MUC4: variants seen among roughly 807,000 people sequenced by gnomAD.
The protein encoded by MUC4 is mucin 4, cell surface associated, also known as mucin-4.
A neutral mutation model predicts 257.9 loss-of-function variants in MUC4; 202 were observed. The ratio of observed to expected loss-of-function variants is 0.78; its 90% CI spans 0.70 to 0.88. The LOEUF (loss-of-function observed/expected upper bound fraction) is 0.88, where lower values mean the gene tolerates loss of function less well. Among genes scored for constraint, MUC4 ranks in the 40% least tolerant of loss-of-function variants. MUC4 has a pLI of 0.00. For missense variants in MUC4, 5,976 were observed against 6,513.7 expected (o/e 0.92, Z 2.84); for synonymous variants, 2,351 against 2,757.1 (o/e 0.85, Z 4.62).
In MUC4 at chr3:195,787,263, G is replaced by C. The variant is rs1732601598; in HGVS notation, c.4317C>G (p.Thr1439=). ...DASSVSTDHA[T]SLPVTIPSAA... is the part of the protein sequence containing the mutation. ...CGGAAGGGATGGTTACAGGAAGAGA[G>C]GTGGCGTGATCTGTGGACACTGAGG... is the stretch of plus-strand genomic sequence containing the variant. Residue 1439 remains threonine, a synonymous_variant, in exon 2 of 25, where the codon ACC becomes ACG. Transcript: ENST00000463781. 3.4e-6 allele frequency: 1 copy of C among 294,730 alleles called. No individual in the cohort carries two copies. The highest frequency in any genetic ancestry group is 3.2e-5 in the South Asian group (1 of 31,590). The allele number at this position is 294,730 out of a possible 1,614,324, so 18.3% of individuals were successfully genotyped here. A position where few individuals can be genotyped will look rare whatever the true frequency, so the allele number is the denominator to read the frequency against.
chr3:195,798,913 CA>C (rs1439881013), intron 1 of MUC4, among the ~76,000 whole-genome samples: 1 of 151,978 alleles, frequency 6.6e-6, no homozygotes, highest in Non-Finnish European at 1.5e-5. Context: ...AGAGCTGGCT[CA>C]GGGGGACTGG....
Position 195,786,150 on chromosome 3 carries a change from A to G in MUC4, c.5430T>C (p.Pro1810=). The G allele has an allele frequency of 2.0e-6, 3 of 1,530,168 alleles. No individual in the cohort carries two copies. The highest frequency in any genetic ancestry group is 1.2e-5 in the South Asian group (1 of 83,218). 94.8% of individuals were successfully genotyped at this position (1,530,168 alleles called of 1,614,324 possible). The part of the protein sequence containing the change: ...SASTGQAIPL[P]VTSPSSASTG... ...TGGATGCTGAGGAAGGGCTGGTGAC[A>G]GGAAGAGGGATGGCCTGACCTGTGG... The change falls in exon 2 of 25, where the codon CCT becomes CCC. Residue 1810 remains proline, a synonymous_variant. Coordinates refer to ENST00000463781, the MANE Select transcript of MUC4 (RefSeq NM_018406.7).
chr3:195,790,622 C>T lies in MUC4; in HGVS notation c.958G>A (p.Ala320Thr). ...FSRTSTQDTT[A>T]FSKNHQTQSV... ...TGAGTCTGGTGGTTCTTAGAAAAAG[C>T]TGTTGTGTCCTGAGTAGAAGTCCTT... The change falls in exon 2 of 25, where the codon GCT becomes ACT. Residue 320 changes from alanine (A) to threonine (T), a missense_variant. Coordinates refer to ENST00000463781, the MANE Select transcript of MUC4 (RefSeq NM_018406.7). The T allele has an allele frequency of 1.2e-6, 2 of 1,614,024 alleles. No individual in the cohort carries two copies. The highest frequency in any genetic ancestry group is 1.7e-6 in the Non-Finnish European group (2 of 1,179,896).
At position 195,791,342 on chromosome 3, in the gene MUC4, T is replaced by G. The variant is rs774873172; in HGVS notation, c.238A>C (p.Lys80Gln). 1.2e-6 allele frequency: 2 copies of G among 1,613,848 alleles called. No homozygotes were observed. The highest frequency in any genetic ancestry group is 1.6e-4 in the Middle Eastern group (1 of 6,062). Residue 80 changes from lysine to glutamine, a missense_variant, in exon 2 of 25, where the codon AAG becomes CAG. Lys to Gln is a moderately conservative substitution (Grantham distance 53). Around this residue, in one of 44 missense-constraint regions of MUC4, gnomAD observed 1,583 missense variants for 1,257.4 expected, o/e 1.26. Transcript: ENST00000463781. ...GCTTTGCTGGTGGTCTCCGTGCTCT[T>G]AGTCTGGTGGTTCTGAGATGAAGCT... ...ISASSQNHQT[K>Q]STETTSKAQT... is the part of the protein sequence containing the mutation.
chr3:195,804,585 T>C (rs1474700980), intron 1 of MUC4, among the ~76,000 whole-genome samples: 1 of 152,254 alleles, frequency 6.6e-6, no homozygotes, highest in East Asian at 1.9e-4. Flanking sequence ...CCGTAAGCCG[T>C]ATCGCCACAG....
chr3:195,762,029 G>C (rs2148802354), intron 14 of MUC4, 58 bp downstream of exon 14: 1 of 1,521,114 alleles, frequency 6.6e-7, no homozygotes, highest in Middle Eastern at 2.3e-4. Flanking sequence ...GCCGGCGTGG[G>C]GGTCCGAGCT....
intron 1 of MUC4, among the ~76,000 whole-genome samples, chr3:195,792,986 C>T (rs2688488): frequency 0.36 from 54,648 of 151,894 alleles, 11,980 homozygotes; most frequent in East Asian, 0.73. Context: ...CTGTCAGGGA[C>T]GGGACAAGGG....
chr3:195,764,914 G>A, intron 10 of MUC4, 83 bp downstream of exon 10: 7 of 1,558,432 alleles, frequency 4.5e-6, no homozygotes, highest in South Asian at 3.6e-5. Flanking sequence ...GAAGGGTCTG[G>A]GAAGGAATGA....
intron 7 of MUC4, among the ~76,000 whole-genome samples, 190 bp downstream of exon 7, chr3:195,768,832 C>T (rs1272345522): frequency 6.6e-6 from 1 of 152,174 alleles, no homozygotes; most frequent in Non-Finnish European, 1.5e-5. Flanking sequence ...GCATGGCGGA[C>T]AAATGGGTGA....
At chr3:195,774,527 T>G (rs987788750) in intron 3 of MUC4, among the ~76,000 whole-genome samples, 5 of 152,114 alleles carry the variant, frequency 3.3e-5, no homozygotes, top group African/African-American at 1.2e-4. Context: ...CTTCCCCAGC[T>G]TGGAGAAAAA....
At chr3:195,794,085 T>TAAAAAAAAA (rs1341032254) in intron 1 of MUC4, among the ~76,000 whole-genome samples, 3 of 140,172 alleles carry the variant, frequency 2.1e-5, no homozygotes, top group African/African-American at 7.9e-5. Context: ...TCTTAAAAAA[T>TAAAAAAAAA]AAAAATAATA....
chr3:195,772,409 TTCATCGCTCAGGGGTGTAGACACCCTCC>T (rs1723131280), intron 4 of MUC4, among the ~76,000 whole-genome samples: 13 of 134,038 alleles, frequency 9.7e-5, no homozygotes, highest in African/African-American at 3.9e-4. Flanking sequence ...ACACCCTCCC[TTCATCGCTCAGGGGTGTAGACACCCTCC>T]CTCCATCGCT....
intron 19 of MUC4, 66 bp downstream of exon 19, chr3:195,754,147 T>C: frequency 6.6e-7 from 1 of 1,513,918 alleles, no homozygotes; most frequent in African/African-American, 1.4e-5. Context: ...TGCCTTTGGC[T>C]GTCTACACCC....
intron 2 of MUC4, 25 bp downstream of exon 2, chr3:195,778,765 T>C (rs771865404): frequency 1.1e-5 from 17 of 1,589,280 alleles, no homozygotes; most frequent in South Asian, 3.4e-5. Context: ...CTGGGAGACA[T>C]AAAGGCGAGG....
chr3:195,794,109 A>AATAATAATAATAATAAT (rs1553888499), intron 1 of MUC4, among the ~76,000 whole-genome samples: 12 of 122,850 alleles, frequency 9.8e-5, no homozygotes, highest in Admixed American at 3.3e-4. Context: ...ATAATAATAA[A>AATAATAATAATAATAAT]AATAGATATT....
At chr3:195,803,847 G>A (rs1344290239) in intron 1 of MUC4, among the ~76,000 whole-genome samples, 1 of 152,176 alleles carries the variant, frequency 6.6e-6, no homozygotes, top group Non-Finnish European at 1.5e-5. Flanking sequence ...TGGAGAAATG[G>A]TCACTGACCT....
At chr3:195,766,529 T>G in intron 8 of MUC4, 134 bp downstream of exon 8, 1 of 758,278 alleles carries the variant, frequency 1.3e-6, no homozygotes, top group Non-Finnish European at 2.2e-6. Context: ...TGTAGGAGGT[T>G]GAACTGTGTG....
rs1263709414 is a variant in MUC4 at position 195,782,185 on chromosome 3, C to G, written c.9395G>C (p.Gly3132Ala). The G allele has an allele frequency of 2.9e-6, 4 of 1,383,704 alleles. 1 individual carries two copies. The Admixed American group carries it at 6.8e-5, about 23-fold the overall frequency. The allele number at this position is 1,383,704 out of a possible 1,614,324, so 85.7% of individuals were successfully genotyped here. The change falls in exon 2 of 25, where the codon GGT (glycine) becomes GCT (alanine). Residue 3132 changes from glycine (G) to alanine (A), a missense_variant. This residue lies in a region of MUC4 where 128 missense variants were observed against 104.8 expected (regional missense o/e 1.22). Coordinates refer to ENST00000463781, the MANE Select transcript of MUC4 (RefSeq NM_018406.7). ...GGTGACAGGAAGAGCGGTGGCCTGA[C>G]CTGTGGATGCTGAGGAAGTGTCGGT... ...PVTDTSSAST[G>A]QATALPVTST...
In MUC4 at chr3:195,761,092, A is replaced by C; in HGVS notation, c.14640T>G (p.Leu4880=). 6.2e-7 allele frequency: 1 copy of C among 1,614,168 alleles called. No individual in the cohort carries two copies. Among genetic ancestry groups the C allele is most frequent in the Non-Finnish European group, 8.5e-7 (1 of 1,180,010 alleles). The change falls in exon 16 of 25, where the codon CTT becomes CTG. Residue 4880 remains leucine (L), a synonymous_variant. Coordinates refer to ENST00000463781, the MANE Select transcript of MUC4 (RefSeq NM_018406.7). ...MTWQINGTGL[L]GKRNDQLPSN... ...AAGGCAGCTGGTCATTCCTCTTGCC[A>C]AGGAGGCCTGTCCCGTTGATCTGCC...
Sources: allele counts gnomAD v4.1 joint callset (sites outside exome capture counted in the v4.1 genomes callset), GRCh38; gene constraint gnomAD v4.1.1; regional missense constraint gnomAD v4.1.1; transcripts MANE v1.5; gene names NCBI Gene and HGNC (gene_info 2026-07-23, HGNC 2026-07-21).